The following CLDN14 variants were observed in gnomAD, a reference collection of about 807,000 sequenced individuals.
CLDN14 encodes the protein claudin-14.
In CLDN14, 2 loss-of-function variants were observed where a neutral mutation model predicts 2.1. The ratio of observed to expected loss-of-function variants is 0.96; its 90% CI spans 0.39 to 3.01. The LOEUF (loss-of-function observed/expected upper bound fraction) is 3.01. Among genes scored for constraint, CLDN14 ranks in the 30% most tolerant of loss-of-function variants. CLDN14 has a pLI of 0.09. For missense variants in CLDN14, 298 were observed against 328.0 expected, an observed-to-expected ratio of 0.91 and a Z score of 0.71; for synonymous variants, 136 against 154.4, an observed-to-expected ratio of 0.88 and a Z score of 0.88.
chr21:36,473,605 G>A (rs1421623634), intron 1 of CLDN14, among the ~76,000 whole-genome samples: 8 of 152,252 alleles, frequency 5.3e-5, no homozygotes, highest in Admixed American at 3.3e-4. Context: ...AACCATGGTT[G>A]CATATGTAAG....
upstream of CLDN14, chr21:36,480,639 C>T (rs959275978): frequency 1.3e-5 from 2 of 152,154 alleles, no homozygotes; most frequent in African/African-American, 4.8e-5. Flanking sequence ...CCTCTCAAGG[C>T]ACAAATCCCA....
At chr21:36,486,359 A>G (rs2086895755) in intron 2 of CLDN14, 1 of 879,122 alleles carries the variant, frequency 1.1e-6, no homozygotes, top group African/African-American at 1.6e-5. Flanking sequence ...CAGTTGTAGC[A>G]ATCCTGGCCT....
In CLDN14 at chr21:36,515,786, T is replaced by TCC. The variant is rs2087223689; in HGVS notation, c.-219-5287_-219-5286insGG. The stretch of plus-strand genomic sequence containing the variant: ...GCTAAGCTGTGTTTCCCTTTTATCT[T>TCC]CTCTTTTTTTTTTTTTTTGAGACAG... On this transcript the variant is annotated intron_variant, in intron 1 of 2. Transcript: ENST00000342108. Among the ~76,000 whole-genome samples, 5 of 50,490 alleles carry TCC rather than the reference T, an allele frequency of 9.9e-5. 1 individual carries two copies. Among genetic ancestry groups the TCC allele is most frequent in the Admixed American group, 2.9e-4 (2 of 7,006 alleles). The allele number at this position is 50,490 out of a possible 152,430, so 33.1% of individuals were successfully genotyped here. A position where few individuals can be genotyped will look rare whatever the true frequency, so the allele number is the denominator to read the frequency against.
At chr21:36,468,182 C>T (rs904829714) in intron 1 of CLDN14, among the ~76,000 whole-genome samples, 9 of 152,198 alleles carry the variant, frequency 5.9e-5, no homozygotes, top group African/African-American at 1.2e-4. Context: ...GGCCCTTCAA[C>T]GTTGATGTTC....
At chr21:36,483,209 A>G (rs2086864811), upstream of CLDN14, among the ~76,000 whole-genome samples, 1 of 152,198 alleles carries the variant, frequency 6.6e-6, no homozygotes, top group Non-Finnish European at 1.5e-5. Flanking sequence ...CAGCCCTTGC[A>G]TCTCAGCATC....
At position 36,551,310 on chromosome 21, in the gene CLDN14, C is replaced by A. The variant is rs191410148; in HGVS notation, c.-220+25101G>T. On this transcript the variant is annotated intron_variant, in intron 1 of 2. Transcript: ENST00000342108. The surrounding 1 kb of genome is among the most constrained non-coding windows in gnomAD (Gnocchi z 4.8). ...GGAGGACCCCAGTGAGATCTCCGAG[C>A]AGATGCACTGTTCCCTGCGGACAGG... is the stretch of plus-strand genomic sequence containing the variant. Among the ~76,000 whole-genome samples the A allele has an allele frequency of 1.6e-3, 250 of 152,344 alleles. 2 individuals are homozygous for A. The highest frequency in any genetic ancestry group is 5.4e-3 in the East Asian group (28 of 5,178).
chr21:36,514,620 AAAGTGTGTGT>A (rs2087212121), intron 1 of CLDN14, among the ~76,000 whole-genome samples: 1 of 10,024 alleles, frequency 1.0e-4, no homozygotes, highest in South Asian at 4.1e-3. Flanking sequence ...ATCGTGAGAG[AAAGTGTGTGT>A]GTGTGTGTGT....
intron 1 of CLDN14, among the ~76,000 whole-genome samples, chr21:36,523,799 GAAAGA>G (rs1568868928): frequency 7.9e-6 from 1 of 125,918 alleles, no homozygotes; most frequent in Admixed American, 7.6e-5. Flanking sequence ...AAGAAAGAAA[GAAAGA>G]AAGAAAGAAA....
At chr21:36,486,577 A>C in intron 2 of CLDN14, 11 of 1,554,666 alleles carry the variant, frequency 7.1e-6, no homozygotes, top group Non-Finnish European at 8.9e-6. Context: ...AGCTGGGCCC[A>C]GGAGGCACTG....
chr21:36,474,102 G>A (rs2086745174), intron 1 of CLDN14, among the ~76,000 whole-genome samples: 1 of 152,252 alleles, frequency 6.6e-6, no homozygotes, highest in Admixed American at 6.5e-5. Context: ...ACCCTCCAGG[G>A]GAATCAGGAA....
chr21:36,557,067 C>T (rs1050509588), intron 1 of CLDN14, among the ~76,000 whole-genome samples: 1 of 152,160 alleles, frequency 6.6e-6, no homozygotes, highest in Non-Finnish European at 1.5e-5. Context: ...GACTGGCTTA[C>T]TTTATTTAGC....
intron 1 of CLDN14, chr21:36,531,953 C>T (rs1396282702): frequency 6.6e-6 from 1 of 152,038 alleles, no homozygotes; most frequent in Admixed American, 6.6e-5. Flanking sequence ...GGGTTTCTCA[C>T]GGTCTTTTTG....
intron 1 of CLDN14, among the ~76,000 whole-genome samples, chr21:36,519,176 ACT>A (rs2087250363): frequency 6.6e-6 from 1 of 151,804 alleles, no homozygotes. Context: ...TCTGTTTAAG[ACT>A]CTTGTCTTTT....
intron 2 of CLDN14, chr21:36,486,486 A>T: frequency 6.4e-7 from 1 of 1,556,240 alleles, no homozygotes; most frequent in Admixed American, 1.7e-5. Context: ...TCTACTCCAA[A>T]TTCAAAGTCA....
chr21:36,569,691 A>G (rs992604571), intron 1 of CLDN14, among the ~76,000 whole-genome samples: 6 of 152,172 alleles, frequency 3.9e-5, no homozygotes, highest in Non-Finnish European at 7.3e-5. Flanking sequence ...TGTCTCACAA[A>G]TCATCTGCTG....
At chr21:36,558,978 A>G (rs1041153500) in intron 1 of CLDN14, among the ~76,000 whole-genome samples, 1 of 152,140 alleles carries the variant, frequency 6.6e-6, no homozygotes, top group Admixed American at 6.5e-5. Context: ...GACTTTAAAA[A>G]TCTTTGCCTT....
intron 1 of CLDN14, among the ~76,000 whole-genome samples, chr21:36,515,606 G>A (rs1308979920): frequency 1.3e-5 from 2 of 149,016 alleles, no homozygotes; most frequent in Admixed American, 6.7e-5. Flanking sequence ...CTGGGAGGTG[G>A]AGGTTGTAGT....
At chr21:36,494,875 A>G (rs185972234) in intron 2 of CLDN14, among the ~76,000 whole-genome samples, 23 of 152,300 alleles carry the variant, frequency 1.5e-4, no homozygotes, top group Non-Finnish European at 2.6e-4. Context: ...GATGAATACA[A>G]TGATTCTGCT....
intron 1 of CLDN14, among the ~76,000 whole-genome samples, chr21:36,549,103 T>C (rs1308338830): frequency 1.3e-5 from 2 of 152,124 alleles, no homozygotes; most frequent in Non-Finnish European, 2.9e-5. Flanking sequence ...AGAATGAGCT[T>C]ATCATTGCTA....
Sources: gnomAD v4.1 joint callset for allele counts (sites outside exome capture counted in the v4.1 genomes callset) on GRCh38, gnomAD v4.1.1 for gene constraint, Gnocchi (gnomAD v3.1) non-coding constraint, MANE v1.5 for transcripts, NCBI Gene and HGNC (gene_info 2026-07-23, HGNC 2026-07-21) for gene names.